The following SHPRH variants were observed in gnomAD, a reference collection of about 807,000 sequenced individuals.
The protein encoded by SHPRH is E3 ubiquitin-protein ligase SHPRH.
A neutral mutation model predicts 202.5 loss-of-function variants in SHPRH; 106 were observed. That is an observed-to-expected ratio of 0.52 (90% CI 0.45 to 0.62). The LOEUF is 0.62. Ranked by LOEUF, SHPRH falls within the 20% of genes least tolerant of loss-of-function variation. The pLI, the probability that SHPRH is intolerant of heterozygous loss-of-function variation, is 0.00. For missense variants in SHPRH, 1,710 were observed against 2,020.0 expected, an observed-to-expected ratio of 0.85 and a Z score of 2.94; for synonymous variants, 729 against 686.0, an observed-to-expected ratio of 1.06 and a Z score of -0.98.
At chr6:145,928,119 C>T (rs934995942) in intron 14 of SHPRH, among the ~76,000 whole-genome samples, 8 of 151,886 alleles carry the variant, frequency 5.3e-5, no homozygotes, top group Non-Finnish European at 1.0e-4. Context: ...CCTAGCTCTG[C>T]TCATTTGTTT....
At chr6:145,899,066 G>C (rs917523381) in intron 25 of SHPRH, among the ~76,000 whole-genome samples, 2 of 151,930 alleles carry the variant, frequency 1.3e-5, no homozygotes, top group Admixed American at 1.3e-4. Context: ...CTCCTGCCTT[G>C]GCCTCCCAAG....
chr6:145,953,290 T>G (rs1018055915), intron 2 of SHPRH, among the ~76,000 whole-genome samples: 3 of 152,072 alleles, frequency 2.0e-5, no homozygotes, highest in Non-Finnish European at 4.4e-5. Context: ...TTACTGCTAG[T>G]ATTCTGTCTT....
In SHPRH at chr6:145,963,785, C is replaced by T. The variant is rs981616182; in HGVS notation, c.-87G>A. 1 of 152,234 alleles carries T rather than the reference C, an allele frequency of 6.6e-6. No homozygotes were observed. The highest frequency in any genetic ancestry group is 2.4e-5 in the African/African-American group (1 of 41,456). The allele number at this position is 152,234 out of a possible 1,614,324, so 9.4% of individuals were successfully genotyped here. A position where few individuals can be genotyped will look rare whatever the true frequency, so the allele number is the denominator to read the frequency against. ...GCTCCCGGAGTCTGAGCGGGGCTGTCAGCGCCGGATCGCTCCCAGCAGGCC... is the reference window on the plus strand; with the variant it reads ...GCTCCCGGAGTCTGAGCGGGGCTGTTAGCGCCGGATCGCTCCCAGCAGGCC... On this transcript the variant is annotated 5_prime_UTR_variant, in exon 1 of 30. Coordinates refer to ENST00000275233, the MANE Select transcript of SHPRH (RefSeq NM_001042683.3).
At chr6:145,927,449 G>T in intron 14 of SHPRH, 172 bp from the exon 15 acceptor site, 1 of 507,612 alleles carries the variant, frequency 2.0e-6, no homozygotes, top group Non-Finnish European at 3.5e-6. Flanking sequence ...TTTTAAAAAA[G>T]GCTGAGTACA....
Position 145,923,667 on chromosome 6 carries a change from G to C in SHPRH, c.3521C>G (p.Thr1174Ser). ...NEITSNYKQQTGKLSMSEKFR... is the reference protein window; with the variant it reads ...NEITSNYKQQSGKLSMSEKFR... Reference sequence around the variant, plus strand: ...CTTCTCTGACATAGAAAGCTTGCCAGTTTGTTGCTTGTAGTTGCTGGTTAT... The same window carrying C: ...CTTCTCTGACATAGAAAGCTTGCCACTTTGTTGCTTGTAGTTGCTGGTTAT... Residue 1174 changes from threonine to serine, a missense_variant, in exon 18 of 30, where the codon ACT (threonine) becomes AGT (serine). Physicochemically the swap from Thr to Ser is moderately conservative, Grantham distance 58. This residue lies in a region of SHPRH where 288 missense variants were observed against 317.8 expected (regional missense o/e 0.91). Coordinates refer to ENST00000275233, the MANE Select transcript of SHPRH (RefSeq NM_001042683.3). 1 of 1,611,882 alleles carries C rather than the reference G, an allele frequency of 6.2e-7. No individual in the cohort carries two copies. Among genetic ancestry groups the C allele is most frequent in the South Asian group, 1.1e-5 (1 of 90,910 alleles).
chr6:145,898,860 G>A (rs1782243573), intron 25 of SHPRH, among the ~76,000 whole-genome samples: 2 of 152,000 alleles, frequency 1.3e-5, no homozygotes, highest in African/African-American at 4.8e-5. Flanking sequence ...CGCCCTAGTT[G>A]GAGTGCAGTG....
intron 6 of SHPRH, among the ~76,000 whole-genome samples, chr6:145,946,562 G>T (rs1408995133): frequency 6.6e-6 from 1 of 151,842 alleles, no homozygotes; most frequent in East Asian, 1.9e-4. Context: ...TTACCTAAAT[G>T]TTATGTGTGG....
chr6:145,910,620 C>T lies in SHPRH; in HGVS notation c.4343G>A (p.Cys1448Tyr). ...QLGKQWAVLT[C>Y]GHCFCNECIS... ...GCATTCATTACAGAAACAGTGACCACAGGTCAGTACCGCCCACTAAAAAGA... is the reference window on the plus strand; with the variant it reads ...GCATTCATTACAGAAACAGTGACCATAGGTCAGTACCGCCCACTAAAAAGA... Residue 1448 changes from cysteine (C) to tyrosine (Y), a missense_variant, in exon 25 of 30, where the codon TGT becomes TAT. This residue lies in a region of SHPRH where 306 missense variants were observed against 479.5 expected (regional missense o/e 0.64). Transcript: ENST00000275233. 1 of 1,612,116 alleles carries T rather than the reference C, an allele frequency of 6.2e-7. No individual in the cohort carries two copies. The highest frequency in any genetic ancestry group is 8.5e-7 in the Non-Finnish European group (1 of 1,178,852).
chr6:145,923,594 CT>C, intron 18 of SHPRH, 48 bp downstream of exon 18: 1 of 1,581,226 alleles, frequency 6.3e-7, no homozygotes, highest in Non-Finnish European at 8.6e-7. Context: ...ACAAGGATTT[CT>C]TTGCTTTTAA....
At chr6:145,897,839 C>T (rs1238920791) in intron 25 of SHPRH, among the ~76,000 whole-genome samples, 2 of 152,050 alleles carry the variant, frequency 1.3e-5, no homozygotes, top group Non-Finnish European at 1.5e-5. Context: ...AAACTCTCAA[C>T]AACTTAGGTA....
intron 9 of SHPRH, 91 bp from the exon 10 acceptor site, chr6:145,941,965 C>G (rs1786830053): frequency 1.4e-6 from 2 of 1,470,182 alleles, no homozygotes. Context: ...TAAGTCCTCT[C>G]TATTTTCTTA....
intron 18 of SHPRH, 95 bp from the exon 19 acceptor site, chr6:145,922,931 A>C: frequency 7.2e-7 from 1 of 1,388,226 alleles, no homozygotes; most frequent in Non-Finnish European, 9.4e-7. Context: ...AAAGTGTTAA[A>C]GAAACTGTTT....
intron 2 of SHPRH, among the ~76,000 whole-genome samples, chr6:145,867,599 A>ATATATATATATAT (rs1779833968): frequency 4.6e-5 from 1 of 21,592 alleles, no homozygotes; most frequent in East Asian, 2.3e-3. Context: ...TTCAAAAAAG[A>ATATATATATATAT]ATATATATAT....
intron 8 of SHPRH, 39 bp from the exon 9 acceptor site, chr6:145,943,841 T>G: frequency 2.0e-6 from 3 of 1,494,162 alleles, no homozygotes; most frequent in Non-Finnish European, 2.7e-6. Flanking sequence ...TGCAACTAGT[T>G]GCATTTCTGA....
At chr6:145,864,807 T>C (rs901817630) in intron 2 of SHPRH, among the ~76,000 whole-genome samples, 1 of 152,148 alleles carries the variant, frequency 6.6e-6, no homozygotes, top group Admixed American at 6.5e-5. Flanking sequence ...TAATTATTTG[T>C]TCCTTTTGAA....
chr6:145,861,189 G>A (rs1779567210), downstream of SHPRH, among the ~76,000 whole-genome samples: 1 of 151,986 alleles, frequency 6.6e-6, no homozygotes, highest in Non-Finnish European at 1.5e-5. Flanking sequence ...AAATGAAAAG[G>A]CAACCTAGGG....
chr6:145,921,324 G>A lies in SHPRH; in HGVS notation c.3851C>T (p.Ala1284Val), dbSNP rs770544891. 1 of 1,612,744 alleles carries A rather than the reference G, an allele frequency of 6.2e-7. No homozygotes were observed. The highest frequency in any genetic ancestry group is 8.5e-7 in the Non-Finnish European group (1 of 1,179,292). The change falls in exon 21 of 30, where the codon GCA (alanine) becomes GTA (valine). Residue 1284 changes from alanine to valine, a missense_variant. Physicochemically the swap from Ala to Val is moderately conservative, Grantham distance 64. Transcript: ENST00000275233. ...EDEEGLVDDR[A>V]PTTTRGLWAI... ...CCAGAGACCCCGGGTGGTGGTAGGT[G>A]CTCGATCATCCACCAGTCCTTCTTC...
intron 13 of SHPRH, among the ~76,000 whole-genome samples, chr6:145,934,663 A>C (rs1265937306): frequency 6.6e-6 from 1 of 151,160 alleles, no homozygotes; most frequent in South Asian, 2.1e-4. Flanking sequence ...ACCCCGTCTC[A>C]AAACAAAAAA....
Position 145,867,631 on chromosome 6 carries a change from T to TAGAGAGAG in SHPRH, c.222-3148_222-3141dup, listed in dbSNP as rs748613165. 8.8e-3 allele frequency among the ~76,000 whole-genome samples: 197 copies of TAGAGAGAG among 22,304 alleles called. 6 individuals carry two copies. Among genetic ancestry groups the TAGAGAGAG allele is most frequent in the Non-Finnish European group, 0.012 (154 of 13,278 alleles). 14.6% of individuals were successfully genotyped at this position (22,304 alleles called of 152,430 possible). ...ATATATATATATATATATATATATA[T>TAGAGAGAG]AGAGAGAGAGAGAGAGAGAGAGAGA... On this transcript the variant is annotated intron_variant, in intron 2 of 2. Coordinates refer to the SHPRH transcript ENST00000417762.
Sources: allele counts gnomAD v4.1 joint callset (sites outside exome capture counted in the v4.1 genomes callset), GRCh38; gene constraint gnomAD v4.1.1; regional missense constraint gnomAD v4.1.1; transcripts MANE v1.5; gene names NCBI Gene and HGNC (gene_info 2026-07-23, HGNC 2026-07-21).